DPP4: variants seen among roughly 807,000 people sequenced by gnomAD.
DPP4 encodes the protein ADCP-2.
A neutral mutation model predicts 122.4 loss-of-function variants in DPP4; 93 were observed. The observed-to-expected ratio is 0.76, with a 90% CI of 0.64 to 0.90. DPP4 has a LOEUF of 0.90. Among genes scored for constraint, DPP4 ranks in the 40% least tolerant of loss-of-function variants. The pLI is 0.00. For synonymous variants in DPP4, 321 were observed against 302.9 expected (o/e 1.06, Z -0.62); for missense variants, 914 against 907.3 (o/e 1.01, Z -0.09).
At chr2:162,035,025 T>A in intron 9 of DPP4, 139 bp downstream of exon 9, 2 of 732,584 alleles carry the variant, frequency 2.7e-6, no homozygotes, top group Non-Finnish European at 4.1e-6. Flanking sequence ...AATTGCCAGA[T>A]GCTGTTGACT....
At chr2:162,009,089 T>C (rs1386088027) in intron 21 of DPP4, 152 bp downstream of exon 21, 16 of 754,566 alleles carry the variant, frequency 2.1e-5, no homozygotes, top group Non-Finnish European at 4.4e-6. Flanking sequence ...TAAGCCTAAC[T>C]CAGTGGAGAT....
At chr2:162,050,680 G>C (rs979415711) in intron 2 of DPP4, among the ~76,000 whole-genome samples, 3 of 152,214 alleles carry the variant, frequency 2.0e-5, no homozygotes, top group Non-Finnish European at 2.9e-5. Context: ...AATGTTCCTT[G>C]TTTTTAGCCT....
At chr2:162,070,075 A>G (rs1241034483) in intron 2 of DPP4, among the ~76,000 whole-genome samples, 2 of 152,258 alleles carry the variant, frequency 1.3e-5, no homozygotes, top group African/African-American at 4.8e-5. Flanking sequence ...TAAGCCATGA[A>G]GAGTTCTACA....
At chr2:162,025,210 G>A (rs1044966245) in intron 10 of DPP4, among the ~76,000 whole-genome samples, 3 of 152,034 alleles carry the variant, frequency 2.0e-5, no homozygotes, top group African/African-American at 2.4e-5. Context: ...CTCAAACCAC[G>A]AGCTCAGGAT....
chr2:162,013,706 T>C (rs1329327330), intron 19 of DPP4, among the ~76,000 whole-genome samples: 1 of 152,180 alleles, frequency 6.6e-6, no homozygotes, highest in African/African-American at 2.4e-5. Context: ...ATTTTGTTTT[T>C]AATATAGGAA....
chr2:162,047,762 A>T (rs1415715682), intron 2 of DPP4, among the ~76,000 whole-genome samples: 2 of 152,186 alleles, frequency 1.3e-5, no homozygotes, highest in Admixed American at 1.3e-4. Flanking sequence ...GAAGGTCTAG[A>T]TCAGCTATGT....
At chr2:162,046,889 T>G in intron 4 of DPP4, 26 bp downstream of exon 4, 1 of 1,422,906 alleles carries the variant, frequency 7.0e-7, no homozygotes, top group Non-Finnish European at 9.9e-7. Context: ...ATTCTATGCA[T>G]GAATTAATTA....
rs751882647 is a variant in DPP4 at position 162,016,896 on chromosome 2, C to A, written c.1469-30G>T. 1.9e-5 allele frequency: 30 copies of A among 1,581,838 alleles called. No individual in the cohort carries two copies. In the Admixed American group the frequency reaches 5.3e-4, roughly 28 times the overall value. The stretch of plus-strand genomic sequence containing the variant: ...AGAAATACAGGAGACAGCAGTCATT[C>A]ATTACAATGTGAAAAATGTGGATTA... On this transcript the variant is annotated intron_variant, in intron 17 of 25. Coordinates refer to ENST00000360534, the MANE Select transcript of DPP4 (RefSeq NM_001935.4).
chr2:162,043,247 T>G (rs1249751726), intron 5 of DPP4, among the ~76,000 whole-genome samples: 1 of 152,070 alleles, frequency 6.6e-6, no homozygotes, highest in Non-Finnish European at 1.5e-5. Context: ...GCATGCCGAG[T>G]GCAGGAGAAG....
intron 22 of DPP4, 59 bp from the exon 23 acceptor site, chr2:162,005,868 T>C: frequency 7.3e-7 from 1 of 1,365,328 alleles, no homozygotes; most frequent in South Asian, 1.2e-5. Flanking sequence ...CTTTTCTTGC[T>C]TTTAATGGGC....
At position 161,995,029 on chromosome 2, in the gene DPP4, C is replaced by A; in HGVS notation, c.2131G>T (p.Val711Phe). The A allele has an allele frequency of 1.2e-6, 2 of 1,613,912 alleles. No individual in the cohort carries two copies. The highest frequency in any genetic ancestry group is 1.7e-6 in the Non-Finnish European group (2 of 1,179,934). The change falls in exon 25 of 26, where the codon GTT becomes TTT. Residue 711 changes from valine (V) to phenylalanine (F), a missense_variant. Val to Phe is a conservative substitution (Grantham distance 50). Transcript: ENST00000360534. ...LLIHGTADDN[V>F]HFQQSAQISK... ...ATCTGAGCTGACTGCTGAAAGTGAA[C>A]GTTATCTGCAGGGAGAGAAAGGAAA...
chr2:162,011,640 C>T (rs930465944), intron 20 of DPP4, among the ~76,000 whole-genome samples, 153 bp downstream of exon 20: 1 of 151,910 alleles, frequency 6.6e-6, no homozygotes, highest in Non-Finnish European at 1.5e-5. Flanking sequence ...GTTATTTAAA[C>T]ATAACATCTT....
intron 2 of DPP4, among the ~76,000 whole-genome samples, chr2:162,064,574 T>A (rs1684889656): frequency 1.3e-5 from 2 of 152,222 alleles, no homozygotes; most frequent in South Asian, 4.1e-4. Context: ...GCCCATCTTA[T>A]TTTATGTTGA....
chr2:162,067,765 A>C (rs1684994660), intron 2 of DPP4, among the ~76,000 whole-genome samples: 1 of 152,218 alleles, frequency 6.6e-6, no homozygotes, highest in African/African-American at 2.4e-5. Flanking sequence ...GTGAAGACTA[A>C]AGTTAAAAAT....
intron 8 of DPP4, 110 bp from the exon 9 acceptor site, chr2:162,035,434 T>C: frequency 2.1e-6 from 2 of 934,182 alleles, no homozygotes; most frequent in South Asian, 3.7e-5. Flanking sequence ...GTTCAACTAA[T>C]GAACCACTTT....
At chr2:162,013,327 A>T (rs1231604997) in intron 19 of DPP4, among the ~76,000 whole-genome samples, 1 of 152,188 alleles carries the variant, frequency 6.6e-6, no homozygotes, top group East Asian at 1.9e-4. Flanking sequence ...AGCCTAAAAC[A>T]AATTAGTGTC....
At chr2:162,053,380 T>C (rs1258338092) in intron 2 of DPP4, among the ~76,000 whole-genome samples, 1 of 152,082 alleles carries the variant, frequency 6.6e-6, no homozygotes, top group African/African-American at 2.4e-5. Flanking sequence ...GTGAGAAGAA[T>C]TGTCTTGGGC....
At chr2:162,015,001 T>C (rs1042932878) in intron 18 of DPP4, among the ~76,000 whole-genome samples, 1 of 152,210 alleles carries the variant, frequency 6.6e-6, no homozygotes, top group Non-Finnish European at 1.5e-5. Flanking sequence ...ATCGGGTTTA[T>C]ATGGAGCAAA....
chr2:162,007,819 A>G (rs1701321162), intron 22 of DPP4, among the ~76,000 whole-genome samples: 1 of 152,122 alleles, frequency 6.6e-6, no homozygotes, highest in East Asian at 1.9e-4. Context: ...GAGACTTTAA[A>G]GAGTCTTTTT....
Sources: allele counts gnomAD v4.1 joint callset (sites outside exome capture counted in the v4.1 genomes callset), GRCh38; gene constraint gnomAD v4.1.1; transcripts MANE v1.5; gene names NCBI Gene and HGNC (gene_info 2026-07-23, HGNC 2026-07-21).